RIMS2: variants seen among roughly 807,000 people sequenced by gnomAD.
RIMS2 encodes regulating synaptic membrane exocytosis 2.
A neutral mutation model predicts 174.4 loss-of-function variants in RIMS2; 59 were observed. The observed-to-expected ratio is 0.34, with a 90% CI of 0.27 to 0.42. RIMS2 has a LOEUF of 0.42. RIMS2 is among the 10% of genes least tolerant of loss of function. RIMS2 has a pLI of 1.00. For synonymous variants in RIMS2, 606 were observed against 572.5 expected (o/e 1.06, Z -0.84); for missense variants, 1,620 against 1,666.3 (o/e 0.97, Z 0.48).
intron 9 of RIMS2, among the ~76,000 whole-genome samples, chr8:103,921,345 T>G (rs1015976670): frequency 3.3e-5 from 5 of 152,310 alleles, no homozygotes; most frequent in South Asian, 2.1e-4. Flanking sequence ...TTGTTTCTAC[T>G]TTTAAATTTT....
chr8:104,134,048 C>A (rs2098497014), intron 19 of RIMS2, among the ~76,000 whole-genome samples: 1 of 151,912 alleles, frequency 6.6e-6, no homozygotes, highest in Non-Finnish European at 1.5e-5. Context: ...TACAAATAAT[C>A]TTTAATATAT....
intron 3 of RIMS2, among the ~76,000 whole-genome samples, chr8:103,777,939 CA>C (rs998713587): frequency 6.6e-6 from 1 of 151,848 alleles, no homozygotes; most frequent in Non-Finnish European, 1.5e-5. Flanking sequence ...AAACTGGCTA[CA>C]AAGACAAGAG....
intron 3 of RIMS2, among the ~76,000 whole-genome samples, chr8:103,845,377 C>G (rs1564884094): frequency 1.3e-5 from 2 of 152,018 alleles, no homozygotes; most frequent in Admixed American, 1.3e-4. Context: ...ACTACTATCC[C>G]TACCTGTTAT....
chr8:104,143,595 C>T (rs894201626), intron 19 of RIMS2, among the ~76,000 whole-genome samples: 5 of 152,172 alleles, frequency 3.3e-5, no homozygotes, highest in South Asian at 4.1e-4. Flanking sequence ...AGGAGCTTGA[C>T]CAGTCCTACT....
chr8:104,169,002 C>T (rs984745283), intron 19 of RIMS2, among the ~76,000 whole-genome samples: 10 of 151,676 alleles, frequency 6.6e-5, no homozygotes, highest in African/African-American at 1.2e-4. Context: ...GAAACCCACT[C>T]GATCGTAGTG....
intron 2 of RIMS2, among the ~76,000 whole-genome samples, chr8:103,752,508 G>A (rs1245112911): frequency 2.6e-5 from 4 of 152,144 alleles, no homozygotes; most frequent in Admixed American, 2.6e-4. Flanking sequence ...GTAGCTTGAT[G>A]GGGATGGCAT....
intron 19 of RIMS2, among the ~76,000 whole-genome samples, chr8:104,062,643 G>A (rs1220150186): frequency 6.6e-6 from 1 of 152,040 alleles, no homozygotes; most frequent in Non-Finnish European, 1.5e-5. Flanking sequence ...GCCACCTTTA[G>A]GTGAGCCAAT....
At chr8:103,709,343 T>G (rs1444973857) in intron 2 of RIMS2, among the ~76,000 whole-genome samples, 1 of 150,510 alleles carries the variant, frequency 6.6e-6, no homozygotes. Flanking sequence ...TATGTGGGTT[T>G]TTTTTTTTTT....
intron 19 of RIMS2, among the ~76,000 whole-genome samples, chr8:104,213,527 T>G (rs2099114897): frequency 1.3e-5 from 2 of 152,170 alleles, no homozygotes; most frequent in South Asian, 2.1e-4. Context: ...CTTTCAAGCT[T>G]AAGAAAGTGC....
intron 19 of RIMS2, among the ~76,000 whole-genome samples, chr8:104,109,073 A>AAAT (rs779450113): frequency 2.6e-5 from 4 of 151,984 alleles, no homozygotes; most frequent in Non-Finnish European, 4.4e-5. Context: ...CGAGGCGGAC[A>AAAT]GATCAATAGG....
intron 14 of RIMS2, among the ~76,000 whole-genome samples, chr8:103,958,755 G>A (rs914034611): frequency 6.6e-6 from 1 of 152,238 alleles, no homozygotes; most frequent in South Asian, 2.1e-4. Flanking sequence ...TTATTTTAAA[G>A]ATTAAACTTT....
At chr8:103,697,546 GAA>G (rs35424647) in intron 2 of RIMS2, among the ~76,000 whole-genome samples, 1 of 131,736 alleles carries the variant, frequency 7.6e-6, no homozygotes. Flanking sequence ...CTGTCTCTAC[GAA>G]AAAAAAAAAA....
intron 2 of RIMS2, among the ~76,000 whole-genome samples, chr8:103,758,349 T>C (rs1028061375): frequency 6.6e-6 from 1 of 152,192 alleles, no homozygotes; most frequent in Non-Finnish European, 1.5e-5. Context: ...ATTAGTGATA[T>C]TTTACATTAG....
chr8:104,184,461 TA>T (rs1427133412), intron 19 of RIMS2, among the ~76,000 whole-genome samples: 6 of 151,588 alleles, frequency 4.0e-5, no homozygotes, highest in Admixed American at 2.0e-4. Flanking sequence ...CTATTTATTA[TA>T]ACTCTTTTAC....
intron 19 of RIMS2, among the ~76,000 whole-genome samples, chr8:104,055,281 A>G (rs774774290): frequency 5.9e-5 from 9 of 152,176 alleles, no homozygotes; most frequent in Non-Finnish European, 1.0e-4. Flanking sequence ...TCATAAATTT[A>G]GATCCCAGAT....
intron 1 of RIMS2, among the ~76,000 whole-genome samples, chr8:103,565,338 T>C (rs184828367): frequency 1.2e-4 from 19 of 152,036 alleles, no homozygotes; most frequent in Admixed American, 5.9e-4. Flanking sequence ...GAGGTCTCAC[T>C]CTGTTGTTTA....
At chr8:103,885,171 C>T in intron 3 of RIMS2, 127 bp from the exon 7 acceptor site, 1 of 1,330,234 alleles carries the variant, frequency 7.5e-7, no homozygotes, top group Non-Finnish European at 9.9e-7. Context: ...TACGCTATGC[C>T]TTTAAAATGA....
intron 19 of RIMS2, among the ~76,000 whole-genome samples, chr8:104,100,936 T>TATATATTATATAGTATATATGACATATG (rs1566392156): frequency 1.4e-4 from 15 of 108,398 alleles, no homozygotes; most frequent in African/African-American, 5.3e-4. Flanking sequence ...TGTGATATAT[T>TATATATTATATAGTATATATGACATATG]ATATATTATA....
chr8:104,252,190 CT>C, downstream of RIMS2: 1 of 237,346 alleles, frequency 4.2e-6, no homozygotes, highest in Non-Finnish European at 8.3e-6. Context: ...CCCCAAAGCC[CT>C]GATATGCCAC....
Sources: allele counts gnomAD v4.1 joint callset (sites outside exome capture counted in the v4.1 genomes callset), GRCh38; gene constraint gnomAD v4.1.1; transcripts MANE v1.5; gene names NCBI Gene and HGNC (gene_info 2026-07-23, HGNC 2026-07-21).